The following SORL1 variants were observed in gnomAD, a reference collection of about 807,000 sequenced individuals.
The protein encoded by SORL1 is sortilin related receptor 1.
In SORL1, 127 loss-of-function variants were observed where a neutral mutation model predicts 273.7. The ratio of observed to expected loss-of-function variants is 0.46; its 90% confidence interval spans 0.40 to 0.54. SORL1 has a LOEUF of 0.54. SORL1 is among the 20% of genes least tolerant of loss of function. The probability of loss-of-function intolerance (pLI) is 0.00; values close to 1 mark genes in which losing one functional copy is unlikely to be tolerated. For missense variants in SORL1, 2,494 were observed against 2,846.1 expected, an observed-to-expected ratio of 0.88 and a Z score of 2.81; for synonymous variants, 1,031 against 1,067.4, an observed-to-expected ratio of 0.97 and a Z score of 0.66.
intron 23 of SORL1, among the ~76,000 whole-genome samples, chr11:121,571,880 G>T (rs1260203515): frequency 6.6e-6 from 1 of 152,164 alleles, no homozygotes; most frequent in Non-Finnish European, 1.5e-5. Context: ...TGTCTTTTCT[G>T]CAAAAAATAA....
At chr11:121,513,541 A>G (rs1814043280) in intron 7 of SORL1, among the ~76,000 whole-genome samples, 1 of 152,246 alleles carries the variant, frequency 6.6e-6, no homozygotes. Context: ...AAGAAACCAG[A>G]CATAAGCAAA....
chr11:121,513,837 G>A (rs979569226), intron 7 of SORL1, among the ~76,000 whole-genome samples: 1 of 152,216 alleles, frequency 6.6e-6, no homozygotes, highest in East Asian at 1.9e-4. Flanking sequence ...TACTTTGTAC[G>A]AATGAAAGTT....
At chr11:121,625,609 A>G (rs1470480750) in intron 46 of SORL1, among the ~76,000 whole-genome samples, 1 of 152,178 alleles carries the variant, frequency 6.6e-6, no homozygotes, top group East Asian at 1.9e-4. Flanking sequence ...ACATGCTAAT[A>G]TATCCTGTGG....
At chr11:121,505,631 AT>A (rs1232509514) in intron 6 of SORL1, among the ~76,000 whole-genome samples, 8 of 152,202 alleles carry the variant, frequency 5.3e-5, no homozygotes, top group Admixed American at 3.3e-4. Flanking sequence ...TGCATTTCAT[AT>A]GCTTATGTTT....
At chr11:121,514,896 G>C (rs925853507) in intron 8 of SORL1, among the ~76,000 whole-genome samples, 3 of 152,156 alleles carry the variant, frequency 2.0e-5, no homozygotes, top group Non-Finnish European at 4.4e-5. Context: ...TTGGGGGTTT[G>C]GGAGGGATGA....
Position 121,583,523 on chromosome 11 carries a change from T to C in SORL1, c.3646T>C (p.Trp1216Arg). 6.2e-7 allele frequency: 1 copy of C among 1,612,898 alleles called. No individual in the cohort carries two copies. Among genetic ancestry groups the C allele is most frequent in the Non-Finnish European group, 8.5e-7 (1 of 1,179,432 alleles). ...AAACGGGCACTGCATCCCCCAGCGG[T>C]GGGCGTGTGACGGGGATACGGACTG... is the stretch of plus-strand genomic sequence containing the variant. ...CRNGHCIPQR[W>R]ACDGDTDCQD... Residue 1216 changes from tryptophan (W) to arginine (R), a missense_variant, in exon 26 of 48, where the codon TGG becomes CGG. Transcript: ENST00000260197.
intron 6 of SORL1, among the ~76,000 whole-genome samples, chr11:121,502,933 G>A (rs776526811): frequency 4.6e-5 from 7 of 152,038 alleles, no homozygotes; most frequent in Non-Finnish European, 1.0e-4. Context: ...ACAGCGGAGC[G>A]ATTGTGGCTC....
intron 8 of SORL1, 58 bp downstream of exon 8, chr11:121,514,379 T>C: frequency 6.7e-7 from 1 of 1,501,056 alleles, no homozygotes; most frequent in South Asian, 1.3e-5. Context: ...CATTAGCTTC[T>C]CTCTGGTTCT....
At chr11:121,549,928 G>T (rs748518944) in intron 14 of SORL1, 32 bp from the exon 15 acceptor site, 3 of 1,608,038 alleles carry the variant, frequency 1.9e-6, no homozygotes, top group East Asian at 2.2e-5. Flanking sequence ...GTATAAAACC[G>T]TGGCCTTAAC....
intron 43 of SORL1, 32 bp downstream of exon 43, chr11:121,619,949 T>C (rs1863698586): frequency 6.3e-7 from 1 of 1,589,436 alleles, no homozygotes; most frequent in Middle Eastern, 2.1e-4. Flanking sequence ...GCCTCTTTGT[T>C]TATTCCTGGC....
At chr11:121,484,657 T>C (rs1214186392) in intron 3 of SORL1, among the ~76,000 whole-genome samples, 1 of 152,096 alleles carries the variant, frequency 6.6e-6, no homozygotes, top group African/African-American at 2.4e-5. Context: ...TAGTAAAATA[T>C]CTTGGCCCAT....
chr11:121,537,822 T>C lies in SORL1; in HGVS notation c.1685+5270T>C, dbSNP rs567483604. Among the ~76,000 whole-genome samples, 18 of 152,342 alleles carry C rather than the reference T, an allele frequency of 1.2e-4. 1 individual carries two copies. The South Asian group carries it at 3.7e-3, about 32-fold the overall frequency. The stretch of plus-strand genomic sequence containing the variant: ...CAGATTCTCCTCCCTCCAGCTTCTA[T>C]TCGTGGACTTTGTTCTGCTCCCTGG... On this transcript the variant is annotated intron_variant, in intron 12 of 47. Coordinates refer to ENST00000260197, the MANE Select transcript of SORL1 (RefSeq NM_003105.6).
chr11:121,518,579 G>A (rs1861987922), intron 8 of SORL1, among the ~76,000 whole-genome samples: 1 of 152,228 alleles, frequency 6.6e-6, no homozygotes, highest in African/African-American at 2.4e-5. Flanking sequence ...AACCCTCAGA[G>A]AGGTAGAGCA....
chr11:121,612,815 G>A lies in SORL1; in HGVS notation c.5402G>A (p.Ser1801Asn). The A allele has an allele frequency of 3.7e-6, 6 of 1,613,528 alleles. No homozygotes were observed. Among genetic ancestry groups the A allele is most frequent in the Non-Finnish European group, 5.1e-6 (6 of 1,179,460 alleles). Reference protein sequence around the residue: ...QERRTLNFRGSILSHKVGNLT... With the variant: ...QERRTLNFRGNILSHKVGNLT... ...AGGAGAACTTTGAACTTCCGAGGAA[G>A]CATATTGTCACACAAAGGTAACACT... The change falls in exon 40 of 48, where the codon AGC becomes AAC. Residue 1801 changes from serine (S) to asparagine (N), a missense_variant. Around this residue, in one of 3 missense-constraint regions of SORL1, gnomAD observed 1,609 missense variants for 1,816.4 expected, o/e 0.89. Coordinates refer to ENST00000260197, the MANE Select transcript of SORL1 (RefSeq NM_003105.6).
chr11:121,618,659 A>G, intron 41 of SORL1, 115 bp from the exon 42 acceptor site: 1 of 1,264,182 alleles, frequency 7.9e-7, no homozygotes. Context: ...TGTTGAATGA[A>G]GACTTCTCTG....
rs530918898 is a variant in SORL1 at position 121,607,357 on chromosome 11, G to A, written c.5166+67G>A. 147 of 862,954 alleles carry A rather than the reference G, an allele frequency of 1.7e-4. 3 individuals are homozygous for A. The South Asian group carries it at 2.0e-3, about 12-fold the overall frequency. 53.5% of individuals were successfully genotyped at this position (862,954 alleles called of 1,614,324 possible). A position where few individuals can be genotyped will look rare whatever the true frequency, so the allele number is the denominator to read the frequency against. On this transcript the variant is annotated intron_variant, in intron 37 of 47. Transcript: ENST00000260197. ...AACTGAGCGAAATTGCTGCTGTTTT[G>A]TGAGAACTCTCTACTCACCTTTGTG...
intron 23 of SORL1, among the ~76,000 whole-genome samples, chr11:121,573,599 C>T (rs1012133645): frequency 2.0e-5 from 3 of 152,114 alleles, no homozygotes; most frequent in Non-Finnish European, 4.4e-5. Context: ...GGCAACAGAG[C>T]GAGACTCCAT....
At position 121,631,453 on chromosome 11, in the gene SORL1, T is replaced by C. The variant is rs1040038101; in HGVS notation, c.*1890T>C. The stretch of plus-strand genomic sequence containing the variant: ...GTTCAAAACTCTAAGCCCTACCACC[T>C]CCCCTTTAATAAGCTCTTTAAATAG... On this transcript the variant is annotated 3_prime_UTR_variant, in exon 48 of 48. Transcript: ENST00000260197. 1.3e-5 allele frequency: 2 copies of C among 152,110 alleles called. No individual in the cohort carries two copies. Among genetic ancestry groups the C allele is most frequent in the African/African-American group, 4.8e-5 (2 of 41,416 alleles). The allele number at this position is 152,110 out of a possible 1,614,324, so 9.4% of individuals were successfully genotyped here.
At chr11:121,468,474 G>C (rs1861120570) in intron 1 of SORL1, among the ~76,000 whole-genome samples, 1 of 152,118 alleles carries the variant, frequency 6.6e-6, no homozygotes, top group Admixed American at 6.5e-5. Context: ...AGATTGGAGT[G>C]TGGTAGCTCA....
Sources: gnomAD v4.1 joint callset for allele counts (sites outside exome capture counted in the v4.1 genomes callset) on GRCh38, gnomAD v4.1.1 for gene constraint, gnomAD v4.1.1 regional missense constraint, MANE v1.5 for transcripts, NCBI Gene and HGNC (gene_info 2026-07-23, HGNC 2026-07-21) for gene names.